The following SLAMF6 variants were observed in gnomAD, a reference collection of about 807,000 sequenced individuals.
The protein encoded by SLAMF6 is NK-T-B-antigen.
SLAMF6 carries 21 observed loss-of-function variants against 38.3 expected under a neutral mutation model. The observed-to-expected ratio is 0.55, with a 90% confidence interval of 0.39 to 0.79. The LOEUF (loss-of-function observed/expected upper bound fraction) is 0.79. Ranked by LOEUF, SLAMF6 falls within the 30% of genes least tolerant of loss-of-function variation. SLAMF6 has a pLI of 0.00. For missense variants in SLAMF6, 341 were observed against 385.3 expected, an observed-to-expected ratio of 0.89 and a Z score of 0.96; for synonymous variants, 152 against 146.3, an observed-to-expected ratio of 1.04 and a Z score of -0.28.
At chr1:160,507,372 A>G (rs191352639) in intron 1 of SLAMF6, among the ~76,000 whole-genome samples, 10 of 152,258 alleles carry the variant, frequency 6.6e-5, no homozygotes, top group Admixed American at 5.9e-4. Context: ...ACCAAACAAC[A>G]GCCCCAAAAT....
rs553207061 is a variant in SLAMF6 at position 160,485,315 on chromosome 1, G to C, written c.*1392C>G. The C allele has an allele frequency of 6.6e-6, 1 of 152,254 alleles. No homozygotes were observed. The highest frequency in any genetic ancestry group is 2.1e-4 in the South Asian group (1 of 4,824). 9.4% of individuals were successfully genotyped at this position (152,254 alleles called of 1,614,324 possible). ...TGATCTCCCCCCTTGGCCTCCCAAAGTACAGGGATTACAGGTGTGAGCCAC... is the reference window on the plus strand; with the variant it reads ...TGATCTCCCCCCTTGGCCTCCCAAACTACAGGGATTACAGGTGTGAGCCAC... On this transcript the variant is annotated 3_prime_UTR_variant, in exon 8 of 8. Coordinates refer to ENST00000368057, the MANE Select transcript of SLAMF6 (RefSeq NM_001184714.2).
At chr1:160,488,344 T>C (rs1025932979) in intron 6 of SLAMF6, among the ~76,000 whole-genome samples, 10 of 152,164 alleles carry the variant, frequency 6.6e-5, no homozygotes, top group Non-Finnish European at 2.9e-5. Flanking sequence ...TTTGCAAATA[T>C]AGGTGAAGGG....
intron 1 of SLAMF6, among the ~76,000 whole-genome samples, chr1:160,521,727 A>G (rs1038277752): frequency 1.3e-4 from 20 of 152,090 alleles, no homozygotes; most frequent in African/African-American, 4.3e-4. Flanking sequence ...TGTATAGCAC[A>G]CTGACATCCT....
At chr1:160,490,335 A>G (rs1571281312) in intron 4 of SLAMF6, 99 bp from the exon 5 acceptor site, 1 of 1,574,736 alleles carries the variant, frequency 6.4e-7, no homozygotes, top group East Asian at 2.2e-5. Context: ...GAGGGGACCC[A>G]AAAGGAAGGG....
At position 160,511,584 on chromosome 1, in the gene SLAMF6, A is replaced by T. The variant is rs112485762; in HGVS notation, c.49+11560T>A. ...GCAAAAATTATCTCAAAATGTATCG[A>T]TCACCTAAATATAAGAGCTAAAACT... On this transcript the variant is annotated intron_variant, in intron 1 of 7. Transcript: ENST00000368057. Among the ~76,000 whole-genome samples, 899 of 152,326 alleles carry T rather than the reference A, an allele frequency of 5.9e-3. 8 individuals are homozygous for T. The highest frequency in any genetic ancestry group is 0.02 in the African/African-American group (838 of 41,550).
intron 1 of SLAMF6, among the ~76,000 whole-genome samples, chr1:160,502,010 T>C: frequency 6.6e-6 from 1 of 152,186 alleles, no homozygotes; most frequent in East Asian, 1.9e-4. Flanking sequence ...TGAAAATGTT[T>C]AAAAGACCCT....
Position 160,523,213 on chromosome 1 carries a change from G to C in SLAMF6, c.-21C>G, listed in dbSNP as rs983192412. The C allele has an allele frequency of 6.2e-7, 1 of 1,611,686 alleles. No homozygotes were observed. ...AACATGCTTTCCGCGGTGAAGACTG[G>C]TGCTTGAGACCTTGAGGCAGTCAAT... On this transcript the variant is annotated 5_prime_UTR_variant, in exon 1 of 8. Coordinates refer to ENST00000368057, the MANE Select transcript of SLAMF6 (RefSeq NM_001184714.2).
intron 5 of SLAMF6, among the ~76,000 whole-genome samples, chr1:160,489,434 T>A (rs1653153927): frequency 1.3e-5 from 2 of 152,176 alleles, no homozygotes. Context: ...AGGCTTCACA[T>A]GTGGGTCAGG....
At chr1:160,491,941 A>C (rs1234842535) in intron 2 of SLAMF6, among the ~76,000 whole-genome samples, 1 of 152,178 alleles carries the variant, frequency 6.6e-6, no homozygotes. Context: ...CAATAGTGAG[A>C]AAGAGACTCA....
intron 2 of SLAMF6, among the ~76,000 whole-genome samples, chr1:160,493,076 GGTTTTCAGT>G (rs778870829): frequency 1.6e-4 from 24 of 152,262 alleles, no homozygotes; most frequent in Non-Finnish European, 2.9e-4. Flanking sequence ...ACCTTCTGAT[GGTTTTCAGT>G]GTCACTGAGA....
chr1:160,495,997 A>G lies in SLAMF6; in HGVS notation c.382+64T>C, dbSNP rs1557937872. The G allele has an allele frequency of 2.1e-6, 3 of 1,438,844 alleles. No homozygotes were observed. The East Asian group carries it at 6.9e-5, about 33-fold the overall frequency. The allele number at this position is 1,438,844 out of a possible 1,614,324, so 89.1% of individuals were successfully genotyped here. ...GGCGACAGTGCACATTTGAAGTCAC[A>G]TAGGATTGGAATACATGTATATTTT... On this transcript the variant is annotated intron_variant, in intron 2 of 7. Coordinates refer to ENST00000368057, the MANE Select transcript of SLAMF6 (RefSeq NM_001184714.2).
chr1:160,520,581 A>G (rs1026526897), intron 1 of SLAMF6, among the ~76,000 whole-genome samples: 3 of 152,220 alleles, frequency 2.0e-5, no homozygotes, highest in African/African-American at 7.2e-5. Flanking sequence ...TGAAGAAACA[A>G]ACGAGATTTA....
Position 160,487,159 on chromosome 1 carries a change from G to A in SLAMF6, c.896C>T (p.Thr299Ile), listed in dbSNP as rs778782980. 1.2e-6 allele frequency: 2 copies of A among 1,613,212 alleles called. No homozygotes were observed. Among genetic ancestry groups the A allele is most frequent in the African/African-American group, 1.3e-5 (1 of 74,956 alleles). ...TGTGATAGTATCATTTTCTCTAGGTGTCCAGATTTCTGTTTCCTGTAAAAA... is the reference window on the plus strand; with the variant it reads ...TGTGATAGTATCATTTTCTCTAGGTATCCAGATTTCTGTTTCCTGTAAAAA... ...THSNRETEIW[T>I]PRENDTITIY... is the part of the protein sequence containing the mutation. Residue 299 changes from threonine (T) to isoleucine (I), a missense_variant, in exon 7 of 8, where the codon ACA becomes ATA. Transcript: ENST00000368057.
intron 1 of SLAMF6, among the ~76,000 whole-genome samples, chr1:160,520,827 C>A (rs1302092678): frequency 6.6e-6 from 1 of 152,184 alleles, no homozygotes; most frequent in African/African-American, 2.4e-5. Flanking sequence ...ATTTGCCCCA[C>A]ATTTTTGCAA....
In SLAMF6 at chr1:160,496,514, T is replaced by C. The variant is rs1028552558; in HGVS notation, c.50-121A>G. 1.8e-5 allele frequency: 17 copies of C among 946,270 alleles called. No individual in the cohort carries two copies. In the African/African-American group the frequency reaches 2.8e-4, roughly 16 times the overall value. 58.6% of individuals were successfully genotyped at this position (946,270 alleles called of 1,614,324 possible). A position where few individuals can be genotyped will look rare whatever the true frequency, so the allele number is the denominator to read the frequency against. On this transcript the variant is annotated intron_variant, in intron 1 of 7. Transcript: ENST00000368057. The stretch of plus-strand genomic sequence containing the variant: ...TCTCTGATACCAAAACTCAGAGATA[T>C]GACAGAGTAGGAAAGGGTAGGAGAT...
intron 2 of SLAMF6, among the ~76,000 whole-genome samples, chr1:160,491,912 T>A (rs1389010053): frequency 3.3e-5 from 5 of 152,112 alleles, no homozygotes; most frequent in Non-Finnish European, 7.4e-5. Flanking sequence ...CTGGTTCCTA[T>A]TGTATCTAAA....
chr1:160,511,247 T>C (rs1654459088), intron 1 of SLAMF6, among the ~76,000 whole-genome samples: 1 of 152,180 alleles, frequency 6.6e-6, no homozygotes, highest in Non-Finnish European at 1.5e-5. Flanking sequence ...GATTTCAAGA[T>C]GCCCCAAGTA....
intron 1 of SLAMF6, among the ~76,000 whole-genome samples, chr1:160,512,359 C>T (rs1654515409): frequency 6.6e-6 from 1 of 152,192 alleles, no homozygotes. Context: ...ACCCTGATCT[C>T]CCTGGGATTG....
At chr1:160,513,008 C>T (rs1255588040) in intron 1 of SLAMF6, among the ~76,000 whole-genome samples, 1 of 152,088 alleles carries the variant, frequency 6.6e-6, no homozygotes, top group Non-Finnish European at 1.5e-5. Flanking sequence ...TGGGCTCAGG[C>T]TGAGAAGGAT....
Sources: gnomAD v4.1 joint callset for allele counts (sites outside exome capture counted in the v4.1 genomes callset) on GRCh38, gnomAD v4.1.1 for gene constraint, MANE v1.5 for transcripts, NCBI Gene and HGNC (gene_info 2026-07-23, HGNC 2026-07-21) for gene names.